Variants in PRKG1 observed in about 807,000 individuals in gnomAD.
PRKG1 encodes the protein protein kinase cGMP-dependent 1.
Under a neutral mutation model 88.1 loss-of-function variants are expected in PRKG1, and 35 were observed. The ratio of observed to expected loss-of-function variants is 0.40; its 90% confidence interval spans 0.30 to 0.53. PRKG1 has a LOEUF of 0.53. Among genes scored for constraint, PRKG1 ranks in the 20% least tolerant of loss-of-function variants. The pLI is 0.59. For missense variants in PRKG1, 540 were observed against 839.8 expected (o/e 0.64, Z 4.41); for synonymous variants, 303 against 292.5 (o/e 1.04, Z -0.37).
intron 2 of PRKG1, among the ~76,000 whole-genome samples, chr10:51,326,237 ATTAG>A (rs1317747272): frequency 3.3e-5 from 5 of 152,352 alleles, no homozygotes; most frequent in African/African-American, 4.8e-5. Flanking sequence ...CATACTTTAA[ATTAG>A]TTAGGAAGAC....
At chr10:52,133,568 G>A (rs903631802) in intron 7 of PRKG1, among the ~76,000 whole-genome samples, 2 of 151,920 alleles carry the variant, frequency 1.3e-5, no homozygotes, top group African/African-American at 4.8e-5. Context: ...TTCCCCAAAG[G>A]GAATGATATC....
chr10:52,046,905 A>G (rs1031012490), intron 5 of PRKG1: 3 of 152,290 alleles, frequency 2.0e-5, no homozygotes, highest in Middle Eastern at 3.4e-3. Flanking sequence ...GATTTTACAC[A>G]TTAATTTGAG....
At position 51,861,397 on chromosome 10, in the gene PRKG1, C is replaced by G. The variant is rs879246908; in HGVS notation, c.699-46110C>G. ...CAGTGTCTTTCTCAGCACTGTAACA[C>G]AGCAGGTAGTTATAAAAAATCATTG... On this transcript the variant is annotated intron_variant, in intron 4 of 17. Coordinates refer to ENST00000373980, the MANE Select transcript of PRKG1 (RefSeq NM_006258.4). 3.8e-4 allele frequency among the ~76,000 whole-genome samples: 58 copies of G among 152,330 alleles called. 1 individual carries two copies. The highest frequency in any genetic ancestry group is 2.3e-3 in the Admixed American group (35 of 15,304).
chr10:52,054,614 T>C, intron 6 of PRKG1, 53 bp downstream of exon 6: 1 of 1,465,062 alleles, frequency 6.8e-7, no homozygotes, highest in Non-Finnish European at 9.6e-7. Context: ...TGGGGTTGGT[T>C]AGTAACTCCA....
At chr10:51,607,423 G>A (rs920663422) in intron 3 of PRKG1, among the ~76,000 whole-genome samples, 3 of 152,166 alleles carry the variant, frequency 2.0e-5, no homozygotes, top group Admixed American at 6.5e-5. Flanking sequence ...CCCTTGTCCT[G>A]TTTGCCTGGG....
intron 1 of PRKG1, among the ~76,000 whole-genome samples, chr10:51,130,595 T>C (rs1845540188): frequency 6.6e-6 from 1 of 152,140 alleles, no homozygotes. Flanking sequence ...TTTTTTGTCA[T>C]GCATCACCCA....
At chr10:51,600,918 T>A (rs757023578) in intron 3 of PRKG1, among the ~76,000 whole-genome samples, 4 of 147,096 alleles carry the variant, frequency 2.7e-5, no homozygotes, top group Admixed American at 6.6e-5. Context: ...CTTAGTTCAT[T>A]TTTGAGAGAG....
At chr10:52,087,146 A>G (rs1172085052) in intron 7 of PRKG1, among the ~76,000 whole-genome samples, 1 of 152,100 alleles carries the variant, frequency 6.6e-6, no homozygotes, top group Non-Finnish European at 1.5e-5. Context: ...AAACAACTGC[A>G]TTTTTCTCCA....
intron 9 of PRKG1, among the ~76,000 whole-genome samples, chr10:52,174,428 G>A (rs1838798822): frequency 6.6e-6 from 1 of 151,884 alleles, no homozygotes. Context: ...ATTCTCTTCT[G>A]CACTGACATG....
Position 52,086,250 on chromosome 10 carries a change from T to G in PRKG1, c.935+23619T>G, listed in dbSNP as rs112363381. On this transcript the variant is annotated intron_variant, in intron 7 of 17. Transcript: ENST00000373980. ...AGGAAACCAGTTGCATTCTTTTCCTTATCTTTATCTTTCTTGTATTTCTTT... is the reference window on the plus strand; with the variant it reads ...AGGAAACCAGTTGCATTCTTTTCCTGATCTTTATCTTTCTTGTATTTCTTT... 1.4e-3 allele frequency among the ~76,000 whole-genome samples: 210 copies of G among 152,220 alleles called. 1 individual carries two copies. Among genetic ancestry groups the G allele is most frequent in the African/African-American group, 4.8e-3 (200 of 41,546 alleles).
At chr10:51,831,764 T>C (rs1201074009) in intron 4 of PRKG1, among the ~76,000 whole-genome samples, 2 of 152,134 alleles carry the variant, frequency 1.3e-5, no homozygotes, top group South Asian at 2.1e-4. Flanking sequence ...AAAAGAGGCT[T>C]TCTGAGAACT....
chr10:52,134,866 G>A (rs1837362973), intron 8 of PRKG1, among the ~76,000 whole-genome samples: 1 of 152,078 alleles, frequency 6.6e-6, no homozygotes, highest in Non-Finnish European at 1.5e-5. Context: ...TAGAACCAGA[G>A]CAGAGACACA....
chr10:52,188,220 ATATACATATG>A (rs1839252017), intron 9 of PRKG1, among the ~76,000 whole-genome samples: 2 of 59,466 alleles, frequency 3.4e-5, no homozygotes, highest in East Asian at 3.8e-4. Context: ...ATGTGTATAT[ATATACATATG>A]TATATATATA....
At chr10:51,848,633 C>CTTTG (rs1448787546) in intron 4 of PRKG1, among the ~76,000 whole-genome samples, 16 of 145,100 alleles carry the variant, frequency 1.1e-4, no homozygotes, top group African/African-American at 3.7e-4. Flanking sequence ...GTGTCTGTAT[C>CTTTG]TGTGTGTGTG....
chr10:51,374,093 A>AAAAAAAAATATATATATATATATAT, intron 2 of PRKG1, among the ~76,000 whole-genome samples: 27 of 100,172 alleles, frequency 2.7e-4, no homozygotes, highest in African/African-American at 8.1e-4. Flanking sequence ...AAAAAAAAAA[A>AAAAAAAAATATATATATATATATAT]ATATATATAT....
chr10:51,869,515 G>A (rs534169517), intron 4 of PRKG1, among the ~76,000 whole-genome samples: 2 of 152,076 alleles, frequency 1.3e-5, no homozygotes, highest in South Asian at 4.1e-4. Context: ...ACCTATGCAG[G>A]GGAGATAAAA....
At chr10:52,033,909 G>C (rs536594724) in intron 5 of PRKG1, among the ~76,000 whole-genome samples, 1 of 151,864 alleles carries the variant, frequency 6.6e-6, no homozygotes, top group South Asian at 2.1e-4. Context: ...GGTAGGTAAA[G>C]GAAAATTACA....
chr10:51,542,649 G>A (rs1842336041), intron 3 of PRKG1, among the ~76,000 whole-genome samples: 1 of 133,438 alleles, frequency 7.5e-6, no homozygotes, highest in South Asian at 2.7e-4. Flanking sequence ...TGGTAAGTTT[G>A]TTTCCGGGCT....
chr10:52,099,201 A>AT (rs5784903), intron 7 of PRKG1, among the ~76,000 whole-genome samples: 124,202 of 151,896 alleles, frequency 0.82, 51,043 homozygotes, highest in East Asian at 0.98. Context: ...GTGTAATCTC[A>AT]TTTTTTTATT....
Sources: allele counts gnomAD v4.1 joint callset (sites outside exome capture counted in the v4.1 genomes callset), GRCh38; gene constraint gnomAD v4.1.1; transcripts MANE v1.5; gene names NCBI Gene and HGNC (gene_info 2026-07-23, HGNC 2026-07-21).